RNF130: variants seen among roughly 807,000 people sequenced by gnomAD.
RNF130 encodes ring finger protein 130.
In RNF130, 21 loss-of-function variants were observed where a neutral mutation model predicts 44.6. That is an observed-to-expected ratio of 0.47 (90% CI 0.33 to 0.68). RNF130 has a LOEUF of 0.68. RNF130 is among the 30% of genes least tolerant of loss of function. The probability of loss-of-function intolerance (pLI) is 0.02; values close to 1 mark genes in which losing one functional copy is unlikely to be tolerated. For missense variants in RNF130, 479 were observed against 560.6 expected (o/e 0.85, Z 1.47); for synonymous variants, 214 against 210.4 (o/e 1.02, Z -0.15).
chr5:180,055,248 CAA>C lies in RNF130; in HGVS notation c.248-14603_248-14602del, dbSNP rs1205914690. Among the ~76,000 whole-genome samples, 17 of 20,978 alleles carry C rather than the reference CAA, an allele frequency of 8.1e-4. 1 individual carries two copies. The East Asian group carries it at 0.013, about 15-fold the overall frequency. 13.8% of individuals were successfully genotyped at this position (20,978 alleles called of 152,430 possible). ...TGGGCAACAGAGTGAGGTTCTGTCT[CAA>C]AAAAAAAAAAAAAAAAAAAAAAAAA... On this transcript the variant is annotated intron_variant, in intron 1 of 8. Transcript: ENST00000521389.
intron 6 of RNF130, among the ~76,000 whole-genome samples, 193 bp downstream of exon 6, chr5:179,970,215 TTC>T (rs754144975): frequency 7.2e-5 from 11 of 151,980 alleles, no homozygotes; most frequent in Non-Finnish European, 1.5e-4. Context: ...CTTCCAGGAG[TTC>T]TCTGAGATGG....
intron 7 of RNF130, 123 bp from the exon 8 acceptor site, chr5:179,963,687 A>G: frequency 1.4e-6 from 1 of 710,466 alleles, no homozygotes; most frequent in Admixed American, 2.1e-5. Context: ...GATTGGCCCA[A>G]GGAAGTGAAG....
chr5:180,005,739 GT>G (rs1763450767), intron 3 of RNF130, among the ~76,000 whole-genome samples: 2 of 152,124 alleles, frequency 1.3e-5, no homozygotes, highest in African/African-American at 2.4e-5. Context: ...CTCCCTGAGA[GT>G]AATATCACTC....
intron 7 of RNF130, among the ~76,000 whole-genome samples, chr5:179,943,505 T>G (rs1582132119): frequency 6.6e-6 from 1 of 152,164 alleles, no homozygotes; most frequent in African/African-American, 2.4e-5. Flanking sequence ...TATTACTTAT[T>G]CAGAAAAACA....
At chr5:179,916,205 G>A (rs1761542368) in exon 8 of RNF130, 1 of 152,066 alleles carries the variant, frequency 6.6e-6, no homozygotes, top group East Asian at 1.9e-4. Context: ...AAGGTTAACG[G>A]CGAGAGAACA....
At chr5:180,051,238 A>ATTTATTTATTTATTTATT (rs1554107011) in intron 1 of RNF130, among the ~76,000 whole-genome samples, 3 of 144,158 alleles carry the variant, frequency 2.1e-5, no homozygotes, top group East Asian at 2.1e-4. Context: ...TATAGATATT[A>ATTTATTTATTTATTTATT]TATTTATTTA....
intron 3 of RNF130, among the ~76,000 whole-genome samples, chr5:180,007,056 T>C (rs1025308014): frequency 1.3e-5 from 2 of 152,224 alleles, no homozygotes; most frequent in Admixed American, 1.3e-4. Context: ...TTATTTACAA[T>C]ATATGGATCT....
chr5:179,956,758 G>A (rs576186392), intron 8 of RNF130, among the ~76,000 whole-genome samples: 4 of 152,300 alleles, frequency 2.6e-5, no homozygotes, highest in East Asian at 3.9e-4. Flanking sequence ...GGGCCTTTGC[G>A]TACTCCCTCA....
Position 180,040,665 on chromosome 5 carries a change from T to TA in RNF130, c.248-19dup. 6.2e-7 allele frequency: 1 copy of TA among 1,604,926 alleles called. No individual in the cohort carries two copies. The highest frequency in any genetic ancestry group is 8.5e-7 in the Non-Finnish European group (1 of 1,174,854). On this transcript the variant is annotated intron_variant, in intron 1 of 8. Coordinates refer to ENST00000521389, the MANE Select transcript of RNF130 (RefSeq NM_018434.6). ...ATCAGCAACTGAAAAGAAAAAGAAATACACACATTAAAGATAAATAAAACT... is the reference window on the plus strand; with the variant it reads ...ATCAGCAACTGAAAAGAAAAAGAAATAACACACATTAAAGATAAATAAAACT...
intron 5 of RNF130, among the ~76,000 whole-genome samples, chr5:179,976,476 TCTC>T (rs986676342): frequency 7.9e-5 from 12 of 152,324 alleles, no homozygotes; most frequent in Admixed American, 7.8e-4. Flanking sequence ...CGCTGGCCCT[TCTC>T]CTGATTTGCA....
intron 7 of RNF130, among the ~76,000 whole-genome samples, chr5:179,943,326 C>T (rs1761991176): frequency 6.6e-6 from 1 of 152,148 alleles, no homozygotes; most frequent in Non-Finnish European, 1.5e-5. Context: ...CATACAGACA[C>T]AAAATCTCTT....
chr5:180,036,140 T>C (rs1764244932), intron 2 of RNF130, among the ~76,000 whole-genome samples: 1 of 152,226 alleles, frequency 6.6e-6, no homozygotes, highest in South Asian at 2.1e-4. Context: ...GTAGCAACTC[T>C]GGATTCTGAT....
chr5:179,957,008 T>C (rs1238574812), intron 8 of RNF130, among the ~76,000 whole-genome samples: 3 of 152,280 alleles, frequency 2.0e-5, no homozygotes, highest in African/African-American at 4.8e-5. Flanking sequence ...TTGTAGTTCC[T>C]ATTTAAGGTA....
intron 3 of RNF130, among the ~76,000 whole-genome samples, chr5:179,998,323 C>T (rs772933288): frequency 6.6e-6 from 1 of 152,176 alleles, no homozygotes; most frequent in Non-Finnish European, 1.5e-5. Context: ...TCCTAATTTA[C>T]TCATTGACCC....
chr5:179,935,638 C>T (rs1016991433), intron 7 of RNF130, among the ~76,000 whole-genome samples: 7 of 151,956 alleles, frequency 4.6e-5, no homozygotes, highest in Non-Finnish European at 5.9e-5. Flanking sequence ...CTGCTTGGCT[C>T]GCTGGTCCTA....
intron 7 of RNF130, among the ~76,000 whole-genome samples, chr5:179,932,935 T>C (rs951363449): frequency 1.3e-5 from 2 of 152,188 alleles, no homozygotes; most frequent in African/African-American, 4.8e-5. Context: ...CAAATCAAAT[T>C]AACAGGTTTC....
At chr5:180,003,654 T>G (rs920789140) in intron 3 of RNF130, among the ~76,000 whole-genome samples, 1 of 152,176 alleles carries the variant, frequency 6.6e-6, no homozygotes, top group Admixed American at 6.5e-5. Context: ...TGTGTACAAT[T>G]TGATCTCTTC....
chr5:179,919,438 A>G (rs1489000475), exon 8 of RNF130: 2 of 152,356 alleles, frequency 1.3e-5, no homozygotes, highest in East Asian at 3.9e-4. Flanking sequence ...TCCCAATGAG[A>G]CATTCCAGAT....
intron 2 of RNF130, among the ~76,000 whole-genome samples, chr5:180,037,066 C>T (rs1241636369): frequency 6.6e-6 from 1 of 152,170 alleles, no homozygotes; most frequent in Non-Finnish European, 1.5e-5. Flanking sequence ...CTATAACTTA[C>T]TGTGTTTGGG....
Sources: allele counts gnomAD v4.1 joint callset (sites outside exome capture counted in the v4.1 genomes callset), GRCh38; gene constraint gnomAD v4.1.1; transcripts MANE v1.5; gene names NCBI Gene and HGNC (gene_info 2026-07-23, HGNC 2026-07-21).